Variants in TBC1D4 observed in about 807,000 individuals in gnomAD.
The protein encoded by TBC1D4 is TBC (Tre-2, BUB2, CDC16) domain-containing protein.
TBC1D4 carries 121 observed loss-of-function variants against 142.5 expected under a neutral mutation model. That is an observed-to-expected ratio of 0.85 (90% CI 0.73 to 0.99). The LOEUF (loss-of-function observed/expected upper bound fraction) is 0.99, where lower values mean the gene tolerates loss of function less well. Ranked by LOEUF, TBC1D4 falls within the 50% of genes least tolerant of loss-of-function variation. The probability of loss-of-function intolerance (pLI) is 0.00; values close to 1 mark genes in which losing one functional copy is unlikely to be tolerated. For missense variants in TBC1D4, 1,475 were observed against 1,606.6 expected, an observed-to-expected ratio of 0.92 and a Z score of 1.40; for synonymous variants, 630 against 628.2, an observed-to-expected ratio of 1.00 and a Z score of -0.04.
intron 7 of TBC1D4, among the ~76,000 whole-genome samples, chr13:75,340,326 G>A (rs73220091): frequency 0.049 from 7,379 of 152,052 alleles, 292 homozygotes; most frequent in Admixed American, 0.11. Flanking sequence ...TTGATGTTAC[G>A]GCTGGTGGTC....
chr13:75,470,364 G>A (rs903639978), intron 1 of TBC1D4, among the ~76,000 whole-genome samples: 8 of 152,120 alleles, frequency 5.3e-5, no homozygotes, highest in Admixed American at 5.2e-4. Flanking sequence ...CTGCCGTATT[G>A]TCAAAGTGTG....
chr13:75,455,620 A>C (rs1409195636), intron 1 of TBC1D4, among the ~76,000 whole-genome samples: 1 of 152,164 alleles, frequency 6.6e-6, no homozygotes, highest in African/African-American at 2.4e-5. Flanking sequence ...CGTCAAATCA[A>C]GTGCAGACAA....
chr13:75,339,507 A>G (rs888398423), intron 7 of TBC1D4, among the ~76,000 whole-genome samples: 3 of 151,348 alleles, frequency 2.0e-5, no homozygotes, highest in African/African-American at 7.3e-5. Flanking sequence ...CCCAAGCACA[A>G]CCTCAAAACC....
chr13:75,477,421 T>A (rs1888667178), intron 1 of TBC1D4, among the ~76,000 whole-genome samples: 1 of 152,210 alleles, frequency 6.6e-6, no homozygotes, highest in African/African-American at 2.4e-5. Context: ...CTCTTTAAAA[T>A]CATTCTTGCA....
intron 1 of TBC1D4, among the ~76,000 whole-genome samples, chr13:75,447,687 A>T (rs753533945): frequency 7.9e-5 from 12 of 152,134 alleles, no homozygotes; most frequent in Non-Finnish European, 1.6e-4. Context: ...GTGAGGTAGC[A>T]AACCTTTATC....
In TBC1D4 at chr13:75,326,210, T is replaced by C; in HGVS notation, c.2020A>G (p.Ser674Gly). The C allele has an allele frequency of 1.2e-6, 2 of 1,614,180 alleles. No individual in the cohort carries two copies. The highest frequency in any genetic ancestry group is 2.2e-5 in the East Asian group (1 of 44,864). The change falls in exon 10 of 21, where the codon AGT (serine) becomes GGT (glycine). Residue 674 changes from serine to glycine, a missense_variant. Ser to Gly is a moderately conservative substitution (Grantham distance 56). Coordinates refer to ENST00000377636, the MANE Select transcript of TBC1D4 (RefSeq NM_014832.5). Reference protein sequence around the residue: ...VRSPLLRQSSSEQCSNLSSVR... With the variant: ...VRSPLLRQSSGEQCSNLSSVR... The stretch of plus-strand genomic sequence containing the variant: ...GGTCAGACTCACCTGCACTGTTCAC[T>C]GGAGCTCTGCCTCAGCAGAGGGGAA...
intron 4 of TBC1D4, among the ~76,000 whole-genome samples, chr13:75,354,357 G>A (rs1029592015): frequency 2.6e-5 from 4 of 152,156 alleles, no homozygotes; most frequent in South Asian, 2.1e-4. Context: ...GTGGCAGGAC[G>A]ACTAGTTAGG....
At chr13:75,344,848 A>T (rs536754832) in intron 5 of TBC1D4, among the ~76,000 whole-genome samples, 3 of 152,342 alleles carry the variant, frequency 2.0e-5, no homozygotes, top group East Asian at 3.9e-4. Context: ...GAATGAGTGA[A>T]ATAAAATACT....
At chr13:75,447,775 T>C (rs1446584271) in intron 1 of TBC1D4, among the ~76,000 whole-genome samples, 1 of 151,936 alleles carries the variant, frequency 6.6e-6, no homozygotes, top group Non-Finnish European at 1.5e-5. Flanking sequence ...AGCATTAGAT[T>C]CTCATAGCAG....
chr13:75,446,101 G>C (rs1887273051), intron 1 of TBC1D4, among the ~76,000 whole-genome samples: 1 of 152,184 alleles, frequency 6.6e-6, no homozygotes, highest in Admixed American at 6.5e-5. Flanking sequence ...AGTAGCAGGG[G>C]AGACAGACAG....
chr13:75,459,024 A>G (rs1019858806), intron 1 of TBC1D4, among the ~76,000 whole-genome samples: 1 of 152,074 alleles, frequency 6.6e-6, no homozygotes, highest in Non-Finnish European at 1.5e-5. Flanking sequence ...TCTTGTCGCA[A>G]TCTGGCTCTA....
At chr13:75,336,165 G>C (rs969177326) in intron 8 of TBC1D4, among the ~76,000 whole-genome samples, 1 of 149,518 alleles carries the variant, frequency 6.7e-6, no homozygotes, top group South Asian at 2.1e-4. Flanking sequence ...TTGGGAGGCC[G>C]ACGTGGGTGG....
chr13:75,359,516 T>C lies in TBC1D4; in HGVS notation c.1170+253A>G, dbSNP rs4885286. Among the ~76,000 whole-genome samples, 111,181 of 152,034 alleles carry C rather than the reference T, an allele frequency of 0.73. 41,182 individuals are homozygous for C. Among genetic ancestry groups the C allele is most frequent in the East Asian group, 0.86 (4,434 of 5,166 alleles). The stretch of plus-strand genomic sequence containing the variant: ...TCCATCACTGGAAGGGATTTGATGG[T>C]ATTACAATGAGAAAGAGTTGGCTAA... On this transcript the variant is annotated intron_variant, in intron 3 of 20. Coordinates refer to ENST00000377636, the MANE Select transcript of TBC1D4 (RefSeq NM_014832.5).
At chr13:75,390,499 C>T (rs958682223) in intron 1 of TBC1D4, among the ~76,000 whole-genome samples, 1 of 152,036 alleles carries the variant, frequency 6.6e-6, no homozygotes, top group African/African-American at 2.4e-5. Flanking sequence ...CACTAACAGA[C>T]TGTTTCACTG....
At chr13:75,443,399 TA>T (rs1282316391) in intron 1 of TBC1D4, among the ~76,000 whole-genome samples, 1 of 152,200 alleles carries the variant, frequency 6.6e-6, no homozygotes, top group Non-Finnish European at 1.5e-5. Flanking sequence ...TAATTATATC[TA>T]AATCAAAGCA....
chr13:75,399,368 T>C (rs1311082419), intron 1 of TBC1D4, among the ~76,000 whole-genome samples: 1 of 152,218 alleles, frequency 6.6e-6, no homozygotes, highest in Non-Finnish European at 1.5e-5. Context: ...GTACCTGTTC[T>C]ACAGTACTGT....
chr13:75,382,530 T>C (rs2138261832), intron 1 of TBC1D4, among the ~76,000 whole-genome samples: 1 of 152,340 alleles, frequency 6.6e-6, no homozygotes, highest in South Asian at 2.1e-4. Context: ...TTAATATGAC[T>C]AGGAAAAAGA....
At chr13:75,447,887 G>C (rs977858860) in intron 1 of TBC1D4, among the ~76,000 whole-genome samples, 19 of 152,040 alleles carry the variant, frequency 1.2e-4, no homozygotes, top group Admixed American at 1.1e-3. Flanking sequence ...ATCATGCCTA[G>C]ATAGGGCTGT....
chr13:75,413,858 C>T (rs569410853), intron 1 of TBC1D4, among the ~76,000 whole-genome samples: 2 of 152,284 alleles, frequency 1.3e-5, no homozygotes, highest in African/African-American at 4.8e-5. Flanking sequence ...TGGTTCTCTA[C>T]AGGATCTCAA....
Sources: allele counts gnomAD v4.1 joint callset (sites outside exome capture counted in the v4.1 genomes callset), GRCh38; gene constraint gnomAD v4.1.1; transcripts MANE v1.5; gene names NCBI Gene and HGNC (gene_info 2026-07-23, HGNC 2026-07-21).